UTS2: variants seen among roughly 807,000 people sequenced by gnomAD.
UTS2 encodes the protein urotensin-2.
In UTS2, 10 loss-of-function variants were observed where a neutral mutation model predicts 12.6. The observed-to-expected ratio is 0.80, with a 90% CI of 0.49 to 1.35. The LOEUF is 1.35. UTS2 is among the 40% of genes most tolerant of loss of function. UTS2 has a pLI of 0.00. For missense variants in UTS2, 142 were observed against 143.2 expected (o/e 0.99, Z 0.04); for synonymous variants, 52 against 50.0 (o/e 1.04, Z -0.17).
chr1:7,854,536 G>GAAAA (rs35379501), upstream of UTS2, among the ~76,000 whole-genome samples: 139,262 of 143,792 alleles, frequency 0.97, 67,464 homozygotes, highest in East Asian at 1. Context: ...AAAGAAGAAA[G>GAAAA]AAAAGTGGTT....
upstream of UTS2, among the ~76,000 whole-genome samples, chr1:7,855,487 G>A (rs868039791): frequency 2.4e-4 from 37 of 152,120 alleles, no homozygotes; most frequent in Non-Finnish European, 1.0e-4. Context: ...CGGAGGCTGA[G>A]GCAGGAGGAT....
At chr1:7,896,225 A>G in the UTS2 span, among the ~76,000 whole-genome samples, 1 of 152,062 alleles carries the variant, frequency 6.6e-6, no homozygotes, top group Non-Finnish European at 1.5e-5. Flanking sequence ...CAAAAGTGAT[A>G]TTGCAGATAA....
At chr1:7,885,895 T>TGGGGGGG in the UTS2 span, among the ~76,000 whole-genome samples, 1 of 3,960 alleles carries the variant, frequency 2.5e-4, no homozygotes, top group Non-Finnish European at 4.8e-4. Context: ...CAGGTGGTGG[T>TGGGGGGG]GGGGGGGTGG....
upstream of UTS2, among the ~76,000 whole-genome samples, chr1:7,855,847 T>A (rs895633197): frequency 4.6e-5 from 7 of 151,202 alleles, no homozygotes; most frequent in African/African-American, 1.7e-4. Flanking sequence ...CACAGGCACA[T>A]GCCACCACGC....
In UTS2 at chr1:7,851,582, G is replaced by A. The variant is rs1046159119; in HGVS notation, c.104-660C>T. ...AAGTGCAGACCTGCTGCTGTGTTGC[G>A]ATTCGAGGCTGTGGGAGTCAGGGTG... On this transcript the variant is annotated intron_variant, in intron 1 of 3. Coordinates refer to ENST00000361696, the MANE Select transcript of UTS2 (RefSeq NM_006786.4). Among the ~76,000 whole-genome samples the A allele has an allele frequency of 7.9e-5, 12 of 152,130 alleles. No homozygotes were observed. In the South Asian group the frequency reaches 1.0e-3, roughly 13 times the overall value.
chr1:7,851,562 C>T (rs2097414248), intron 1 of UTS2, among the ~76,000 whole-genome samples: 1 of 152,138 alleles, frequency 6.6e-6, no homozygotes, highest in Non-Finnish European at 1.5e-5. Flanking sequence ...GTGGTAAGTG[C>T]AGACCTGCTG....
At chr1:7,868,994 C>G in the UTS2 span, among the ~76,000 whole-genome samples, 1 of 141,980 alleles carries the variant, frequency 7.0e-6, no homozygotes, top group Non-Finnish European at 1.5e-5. Context: ...GACTTTGCAG[C>G]CTCCAAAACT....
chr1:7,896,258 T>TG, the UTS2 span, among the ~76,000 whole-genome samples: 8 of 148,524 alleles, frequency 5.4e-5, no homozygotes, highest in Admixed American at 1.3e-4. Flanking sequence ...TGTTTATCCA[T>TG]GAAAAAAAAA....
At chr1:7,854,776 G>T (rs1387003069), upstream of UTS2, among the ~76,000 whole-genome samples, 1 of 152,054 alleles carries the variant, frequency 6.6e-6, no homozygotes, top group African/African-American at 2.4e-5. Context: ...TGCTAAAAAC[G>T]TGAAGTAATA....
rs1216887943 is a variant in UTS2, at chr1:7,852,980, A to G, written c.24T>C (p.Cys8=). The G allele has an allele frequency of 6.2e-7, 1 of 1,613,750 alleles. No homozygotes were observed. The highest frequency in any genetic ancestry group is 8.5e-7 in the Non-Finnish European group (1 of 1,179,864). The change falls in exon 1 of 4, where the codon TGT becomes TGC. Residue 8 remains cysteine, a synonymous_variant. Coordinates refer to ENST00000361696, the MANE Select transcript of UTS2 (RefSeq NM_006786.4). Reference sequence around the variant, plus strand: ...GATTTAAGAATCCTATGAAAAGCAAACAGCAGGAGGCCAGCTTATACATGA... The same window carrying G: ...GATTTAAGAATCCTATGAAAAGCAAGCAGCAGGAGGCCAGCTTATACATGA... MYKLASC[C]LLFIGFLNPL...
chr1:7,896,868 G>A, the UTS2 span, among the ~76,000 whole-genome samples: 224 of 151,894 alleles, frequency 1.5e-3, 1 homozygote, highest in African/African-American at 5.0e-3. Context: ...GCTAATTTTT[G>A]TATTCTTTTA....
upstream of UTS2, chr1:7,853,646 A>G: frequency 1.9e-6 from 1 of 513,876 alleles, no homozygotes. Context: ...CAATCTTCAG[A>G]GAAAGGAAAT....
chr1:7,872,157 C>T, the UTS2 span, among the ~76,000 whole-genome samples: 8,231 of 151,418 alleles, frequency 0.054, 1,000 homozygotes, highest in East Asian at 0.46. Context: ...AAAAATTAGC[C>T]GGGTGTGGTG....
At chr1:7,861,351 A>T in the UTS2 span, among the ~76,000 whole-genome samples, 3,146 of 152,246 alleles carry the variant, frequency 0.021, 94 homozygotes, top group African/African-American at 0.072. Flanking sequence ...CAACTTTGAC[A>T]AGAGCCGTTT....
the UTS2 span, among the ~76,000 whole-genome samples, chr1:7,863,501 C>T: frequency 6.6e-6 from 1 of 152,184 alleles, no homozygotes; most frequent in African/African-American, 2.4e-5. Context: ...TCACTTACCA[C>T]GTTTTACTTT....
the UTS2 span, among the ~76,000 whole-genome samples, chr1:7,903,130 CTCCTG>C: frequency 1.2e-4 from 4 of 33,624 alleles, no homozygotes; most frequent in African/African-American, 4.9e-4. Flanking sequence ...TCCCCTCCTT[CTCCTG>C]CTTCCCCTCC....
chr1:7,898,384 G>A, the UTS2 span, among the ~76,000 whole-genome samples: 22 of 152,114 alleles, frequency 1.4e-4, no homozygotes, highest in Non-Finnish European at 2.8e-4. Context: ...CTTATATACC[G>A]AGAACTGCAG....
At chr1:7,885,451 G>A in the UTS2 span, among the ~76,000 whole-genome samples, 1 of 152,132 alleles carries the variant, frequency 6.6e-6, no homozygotes, top group African/African-American at 2.4e-5. Flanking sequence ...GACAGGAGAT[G>A]GCCCCGGTAT....
At chr1:7,867,540 G>C in the UTS2 span, among the ~76,000 whole-genome samples, 2 of 152,168 alleles carry the variant, frequency 1.3e-5, no homozygotes, top group Non-Finnish European at 2.9e-5. Flanking sequence ...CAAGAAGAGA[G>C]GGCTTAGGGA....
Sources: gnomAD v4.1 joint callset for allele counts (sites outside exome capture counted in the v4.1 genomes callset) on GRCh38, gnomAD v4.1.1 for gene constraint, MANE v1.5 for transcripts, NCBI Gene and HGNC (gene_info 2026-07-23, HGNC 2026-07-21) for gene names.